Variants in CTIF observed in about 807,000 individuals in gnomAD.
The protein encoded by CTIF is cap binding complex dependent translation initiation factor.
In CTIF, 21 loss-of-function variants were observed where a neutral mutation model predicts 66.0. The observed-to-expected ratio is 0.32, with a 90% CI of 0.23 to 0.46. CTIF has a LOEUF of 0.46. Among genes scored for constraint, CTIF ranks in the 20% least tolerant of loss-of-function variants. CTIF has a pLI of 1.00. For missense variants in CTIF, 739 were observed against 812.7 expected (o/e 0.91, Z 1.10); for synonymous variants, 345 against 326.4 (o/e 1.06, Z -0.62).
At chr18:48,780,719 G>A (rs1234786318) in intron 9 of CTIF, among the ~76,000 whole-genome samples, 1 of 152,210 alleles carries the variant, frequency 6.6e-6, no homozygotes, top group Admixed American at 6.5e-5. Context: ...CTGCCGGTCC[G>A]CACACAAGAG....
At position 48,553,496 on chromosome 18, in the gene CTIF, A is replaced by G. The variant is rs76524632; in HGVS notation, c.-29+14184A>G. On this transcript the variant is annotated intron_variant, in intron 1 of 11. Transcript: ENST00000256413. ...CCGGAATGCAGACTGTAACCAGGGC[A>G]GTCAGAACAAGGATTGTTAACCTGC... Among the ~76,000 whole-genome samples the G allele has an allele frequency of 9.0e-3, 1,366 of 152,302 alleles. 23 individuals are homozygous for G. Among genetic ancestry groups the G allele is most frequent in the African/African-American group, 0.032 (1,314 of 41,562 alleles).
At chr18:48,741,880 GAAC>G (rs950462560) in intron 7 of CTIF, among the ~76,000 whole-genome samples, 11 of 152,138 alleles carry the variant, frequency 7.2e-5, no homozygotes, top group Admixed American at 2.6e-4. Context: ...GCCTCCCGGG[GAAC>G]AGAGAGCCAG....
At chr18:48,718,484 T>C (rs948687306) in intron 7 of CTIF, among the ~76,000 whole-genome samples, 10 of 152,122 alleles carry the variant, frequency 6.6e-5, no homozygotes, top group Non-Finnish European at 1.5e-4. Flanking sequence ...AACAGGAGCA[T>C]GTATGAGGTT....
chr18:48,780,824 G>A (rs1911135579), intron 9 of CTIF, among the ~76,000 whole-genome samples: 2 of 152,250 alleles, frequency 1.3e-5, no homozygotes, highest in Non-Finnish European at 2.9e-5. Context: ...ATCTCCTTCT[G>A]TGTACCTAGC....
chr18:48,661,995 A>G (rs549833786), intron 3 of CTIF: 14 of 152,362 alleles, frequency 9.2e-5, no homozygotes, highest in African/African-American at 3.4e-4. Flanking sequence ...AGGGCCCGCT[A>G]TCTCCTGTGG....
intron 10 of CTIF, among the ~76,000 whole-genome samples, chr18:48,828,856 T>TCCCAGCC (rs1467779177): frequency 6.6e-6 from 1 of 152,170 alleles, no homozygotes; most frequent in African/African-American, 2.4e-5. Flanking sequence ...AGGGGCACCT[T>TCCCAGCC]CCCAGCCCCC....
In CTIF at chr18:48,860,195, G is replaced by T. The variant is rs192010838; in HGVS notation, c.*636G>T. The T allele has an allele frequency of 2.9e-6, 1 of 345,246 alleles. No individual in the cohort carries two copies. Among genetic ancestry groups the T allele is most frequent in the Non-Finnish European group, 5.8e-6 (1 of 173,402 alleles). 21.4% of individuals were successfully genotyped at this position (345,246 alleles called of 1,614,324 possible). ...GCAGCCCCCACAGCCTCAGGCCTAG[G>T]GGGTCAGGCGCAGCGGGGGAGATGG... is the stretch of plus-strand genomic sequence containing the variant. On this transcript the variant is annotated 3_prime_UTR_variant, in exon 12 of 12. Coordinates refer to ENST00000256413, the MANE Select transcript of CTIF (RefSeq NM_014772.3).
At chr18:48,713,876 G>A (rs1245530345) in intron 7 of CTIF, among the ~76,000 whole-genome samples, 1 of 152,160 alleles carries the variant, frequency 6.6e-6, no homozygotes, top group Admixed American at 6.5e-5. Context: ...GTGCAAGTCA[G>A]AGCAGCAGCC....
chr18:48,621,394 C>CAGGGTGCT (rs900969621), intron 2 of CTIF: 11 of 210,710 alleles, frequency 5.2e-5, no homozygotes, highest in African/African-American at 2.6e-4. Flanking sequence ...GCCAGGAGGC[C>CAGGGTGCT]AGGGTGCTGG....
At chr18:48,576,039 C>T (rs1366530040) in intron 1 of CTIF, among the ~76,000 whole-genome samples, 3 of 152,270 alleles carry the variant, frequency 2.0e-5, no homozygotes, top group African/African-American at 2.4e-5. Flanking sequence ...AGAGAGCCGC[C>T]GAAGAACAAT....
At chr18:48,670,563 G>A in intron 5 of CTIF, 106 bp from the exon 6 acceptor site, 2 of 993,894 alleles carry the variant, frequency 2.0e-6, no homozygotes, top group Non-Finnish European at 3.2e-6. Flanking sequence ...TTGAGGGTGG[G>A]CAGCACCAGG....
chr18:48,752,946 A>T (rs1402177881), intron 7 of CTIF, among the ~76,000 whole-genome samples: 1 of 152,122 alleles, frequency 6.6e-6, no homozygotes, highest in Non-Finnish European at 1.5e-5. Context: ...CATTCTGCAA[A>T]CTGGGGTGGG....
At position 48,777,383 on chromosome 18, in the gene CTIF, G is replaced by A. The variant is rs752388368; in HGVS notation, c.1371+15694G>A. ...GACCGCCACCAAGCCACCCTCCTAT[G>A]TGCAATTTTCAGACCCCTTGGGGTC... On this transcript the variant is annotated intron_variant, in intron 9 of 11. Coordinates refer to ENST00000256413, the MANE Select transcript of CTIF (RefSeq NM_014772.3). Among the ~76,000 whole-genome samples, 40 of 152,326 alleles carry A rather than the reference G, an allele frequency of 2.6e-4. No homozygotes were observed. In the Middle Eastern group the frequency reaches 0.017, roughly 65 times the overall value.
intron 1 of CTIF, among the ~76,000 whole-genome samples, chr18:48,552,551 T>G (rs1481178157): frequency 6.6e-6 from 1 of 152,166 alleles, no homozygotes; most frequent in Non-Finnish European, 1.5e-5. Flanking sequence ...CTTTTCATGA[T>G]GGAATGGGTG....
chr18:48,544,750 G>A (rs1431475010), intron 1 of CTIF, among the ~76,000 whole-genome samples: 1 of 152,220 alleles, frequency 6.6e-6, no homozygotes, highest in Non-Finnish European at 1.5e-5. Flanking sequence ...GGGGTGGGTA[G>A]AACAGACCTA....
rs138055795 is a variant in CTIF, at chr18:48,859,454, G to T, written c.1692G>T (p.Arg564=). ...MLCPSESMLT[R]SLLLEVIELH... ...GCCCCTCGGAGTCCATGCTGACCCG[G>T]TCGCTGCTCCTAGAGGTCATCGAGC... The change falls in exon 12 of 12, where the codon CGG becomes CGT. Residue 564 remains arginine, a synonymous_variant. Transcript: ENST00000256413. 1.3e-3 allele frequency: 2,028 copies of T among 1,614,220 alleles called. 8 individuals carry two copies. Among genetic ancestry groups the T allele is most frequent in the Middle Eastern group, 1.2e-3 (7 of 6,062 alleles).
chr18:48,750,708 C>G (rs531169394), intron 7 of CTIF, among the ~76,000 whole-genome samples: 4 of 152,338 alleles, frequency 2.6e-5, no homozygotes, highest in Non-Finnish European at 4.4e-5. Context: ...CAGGCTCTCC[C>G]CTCACCAGCC....
intron 2 of CTIF, among the ~76,000 whole-genome samples, chr18:48,625,431 A>G (rs148850488): frequency 2.6e-5 from 4 of 152,338 alleles, no homozygotes; most frequent in South Asian, 2.1e-4. Context: ...CTTTATGCAT[A>G]CATTATCATG....
At chr18:48,567,148 T>C (rs2089297580) in intron 1 of CTIF, 1 of 152,220 alleles carries the variant, frequency 6.6e-6, no homozygotes, top group African/African-American at 2.4e-5. Context: ...CAGAAGTCTT[T>C]CTTTAAAGAA....
Sources: allele counts gnomAD v4.1 joint callset (sites outside exome capture counted in the v4.1 genomes callset), GRCh38; gene constraint gnomAD v4.1.1; transcripts MANE v1.5; gene names NCBI Gene and HGNC (gene_info 2026-07-23, HGNC 2026-07-21).